The following SCTR variants were observed in gnomAD, a reference collection of about 807,000 sequenced individuals.
The protein encoded by SCTR is secretin receptor.
In SCTR, 56 loss-of-function variants were observed where a neutral mutation model predicts 60.8. The observed-to-expected ratio is 0.92, with a 90% confidence interval of 0.74 to 1.15. The LOEUF (loss-of-function observed/expected upper bound fraction) is 1.15. Ranked by LOEUF, SCTR falls within the 50% of genes most tolerant of loss-of-function variation. The pLI is 0.00. For missense variants in SCTR, 562 were observed against 550.4 expected (o/e 1.02, Z -0.21); for synonymous variants, 202 against 217.0 (o/e 0.93, Z 0.61).
At chr2:119,463,477 CAG>C (rs1573829097) in intron 6 of SCTR, among the ~76,000 whole-genome samples, 1 of 152,170 alleles carries the variant, frequency 6.6e-6, no homozygotes. Context: ...AGTGCGGAAA[CAG>C]GGGAAAAGAC....
At chr2:119,498,899 G>A (rs914453414) in intron 1 of SCTR, among the ~76,000 whole-genome samples, 1 of 151,966 alleles carries the variant, frequency 6.6e-6, no homozygotes, top group African/African-American at 2.4e-5. Flanking sequence ...GACATTAAAT[G>A]TAAATGGTCT....
intron 4 of SCTR, among the ~76,000 whole-genome samples, chr2:119,472,381 G>A (rs1356717936): frequency 6.6e-6 from 1 of 152,202 alleles, no homozygotes; most frequent in Non-Finnish European, 1.5e-5. Flanking sequence ...CCTAACGGGG[G>A]CAAAGGCCCA....
chr2:119,486,791 A>G (rs1677887670), intron 2 of SCTR: 2 of 152,208 alleles, frequency 1.3e-5, no homozygotes, highest in Admixed American at 6.5e-5. Context: ...ATGTTATACA[A>G]ACATAAGCTG....
chr2:119,461,136 C>T (rs1219466747), intron 7 of SCTR, among the ~76,000 whole-genome samples: 1 of 152,202 alleles, frequency 6.6e-6, no homozygotes, highest in Non-Finnish European at 1.5e-5. Context: ...TTGGTGATCA[C>T]TGGACTTTTC....
chr2:119,521,934 C>A (rs1679298852), intron 1 of SCTR, among the ~76,000 whole-genome samples: 1 of 152,134 alleles, frequency 6.6e-6, no homozygotes, highest in Non-Finnish European at 1.5e-5. Context: ...GTAAAATAAC[C>A]CAAGGACCAC....
At chr2:119,513,314 T>C in intron 1 of SCTR, among the ~76,000 whole-genome samples, 2 of 152,236 alleles carry the variant, frequency 1.3e-5, no homozygotes, top group Non-Finnish European at 2.9e-5. Context: ...TTCTATTCCT[T>C]TACTGTCATT....
At chr2:119,494,071 T>TC (rs1275395550) in intron 2 of SCTR, among the ~76,000 whole-genome samples, 1 of 152,132 alleles carries the variant, frequency 6.6e-6, no homozygotes, top group African/African-American at 2.4e-5. Context: ...TCCTACTACC[T>TC]CACTCATGGA....
chr2:119,462,097 G>A (rs1683635146), intron 6 of SCTR, 97 bp from the exon 7 acceptor site: 4 of 1,248,848 alleles, frequency 3.2e-6, no homozygotes, highest in African/African-American at 1.5e-5. Flanking sequence ...GTAGGGGCAG[G>A]AGCCAGGCCA....
intron 1 of SCTR, among the ~76,000 whole-genome samples, chr2:119,504,824 A>G (rs1447448983): frequency 6.6e-6 from 1 of 152,202 alleles, no homozygotes; most frequent in Non-Finnish European, 1.5e-5. Context: ...CTACATATTC[A>G]AGGAAGGAAT....
At chr2:119,479,041 C>T in intron 2 of SCTR, 123 bp from the exon 3 acceptor site, 1 of 1,501,428 alleles carries the variant, frequency 6.7e-7, no homozygotes, top group Non-Finnish European at 8.9e-7. Flanking sequence ...TCAAAGCTCT[C>T]ATTAGGTGCT....
intron 2 of SCTR, among the ~76,000 whole-genome samples, chr2:119,488,102 T>C (rs1183463204): frequency 1.3e-5 from 2 of 152,230 alleles, no homozygotes; most frequent in African/African-American, 4.8e-5. Context: ...TGAAGACTTT[T>C]CCAGCAGGCA....
intron 6 of SCTR, 119 bp downstream of exon 6, chr2:119,464,004 A>C: frequency 2.9e-6 from 3 of 1,050,258 alleles, no homozygotes; most frequent in South Asian, 1.4e-5. Flanking sequence ...TATCCTTGGT[A>C]TTAAGTGCAG....
At chr2:119,507,051 CA>C (rs1413315511) in intron 1 of SCTR, among the ~76,000 whole-genome samples, 1 of 152,094 alleles carries the variant, frequency 6.6e-6, no homozygotes, top group Non-Finnish European at 1.5e-5. Flanking sequence ...TTATTTCTTA[CA>C]ACTGCATGTT....
intron 2 of SCTR, among the ~76,000 whole-genome samples, chr2:119,492,948 C>A (rs1678195662): frequency 6.6e-6 from 1 of 152,038 alleles, no homozygotes; most frequent in African/African-American, 2.4e-5. Context: ...GCCTCTACCT[C>A]CCGTGCTCAA....
At chr2:119,506,549 A>G (rs1573917921) in intron 1 of SCTR, among the ~76,000 whole-genome samples, 2 of 152,010 alleles carry the variant, frequency 1.3e-5, no homozygotes, top group South Asian at 2.1e-4. Flanking sequence ...TGGTGTAATC[A>G]TAGTTCACCG....
intron 7 of SCTR, among the ~76,000 whole-genome samples, chr2:119,460,436 GTGGATGGA>G (rs111277760): frequency 0.024 from 3,527 of 149,446 alleles, 138 homozygotes; most frequent in African/African-American, 0.083. Context: ...GGGTGGGTGG[GTGGATGGA>G]TGGATGGATG....
chr2:119,522,396 G>A (rs939005361), intron 1 of SCTR, among the ~76,000 whole-genome samples: 2 of 152,220 alleles, frequency 1.3e-5, no homozygotes, highest in Non-Finnish European at 2.9e-5. Flanking sequence ...GCTAACCTTA[G>A]TGGGTTAAGT....
intron 12 of SCTR, among the ~76,000 whole-genome samples, chr2:119,440,678 T>C (rs1374377628): frequency 4.6e-5 from 7 of 152,120 alleles, no homozygotes; most frequent in African/African-American, 7.2e-5. Context: ...GAGGAGGGTG[T>C]GGTCTGAAGG....
intron 1 of SCTR, among the ~76,000 whole-genome samples, chr2:119,511,669 G>T (rs569927051): frequency 2.6e-5 from 4 of 152,132 alleles, no homozygotes; most frequent in African/African-American, 9.7e-5. Context: ...ATCTGGCTGT[G>T]GTTTGGGGTG....
Sources: allele counts gnomAD v4.1 joint callset (sites outside exome capture counted in the v4.1 genomes callset), GRCh38; gene constraint gnomAD v4.1.1; transcripts MANE v1.5; gene names NCBI Gene and HGNC (gene_info 2026-07-23, HGNC 2026-07-21).